The following STPG2 variants were observed in gnomAD, a reference collection of about 807,000 sequenced individuals.
STPG2 encodes the protein sperm-tail PG-rich repeat-containing protein 2.
STPG2 carries 56 observed loss-of-function variants against 54.2 expected under a neutral mutation model. The ratio of observed to expected loss-of-function variants is 1.03; its 90% CI spans 0.83 to 1.29. STPG2 has a LOEUF of 1.29. STPG2 is among the 50% of genes most tolerant of loss of function. The pLI is 0.00. For missense variants in STPG2, 596 were observed against 544.9 expected, an observed-to-expected ratio of 1.09 and a Z score of -0.93; for synonymous variants, 200 against 181.8, an observed-to-expected ratio of 1.10 and a Z score of -0.81.
chr4:98,024,677 G>T (rs1237961344), intron 5 of STPG2, among the ~76,000 whole-genome samples: 1 of 152,096 alleles, frequency 6.6e-6, no homozygotes, highest in African/African-American at 2.4e-5. Flanking sequence ...AAATGCTATT[G>T]TAAACATATG....
chr4:97,512,896 A>G (rs1731002100), intron 4 of STPG2, among the ~76,000 whole-genome samples: 1 of 152,098 alleles, frequency 6.6e-6, no homozygotes, highest in East Asian at 1.9e-4. Flanking sequence ...ATTCTGCAGC[A>G]GACACCAGCT....
intron 2 of STPG2, among the ~76,000 whole-genome samples, chr4:98,131,460 C>T (rs577767854): frequency 1.1e-4 from 17 of 152,222 alleles, no homozygotes; most frequent in Middle Eastern, 3.4e-3. Flanking sequence ...TCCCCACACA[C>T]GAAATATCTG....
intron 10 of STPG2, among the ~76,000 whole-genome samples, chr4:97,637,280 C>A (rs1721582348): frequency 6.6e-6 from 1 of 152,182 alleles, no homozygotes; most frequent in South Asian, 2.1e-4. Flanking sequence ...AGGCCTTTGA[C>A]AAAATTCAAC....
At chr4:97,881,025 A>T (rs1730351692) in intron 8 of STPG2, among the ~76,000 whole-genome samples, 1 of 152,110 alleles carries the variant, frequency 6.6e-6, no homozygotes, top group African/African-American at 2.4e-5. Context: ...CAAAACTGAG[A>T]AGATAACAGG....
At chr4:97,934,237 C>A (rs1050607833) in intron 8 of STPG2, among the ~76,000 whole-genome samples, 2 of 152,010 alleles carry the variant, frequency 1.3e-5, no homozygotes, top group African/African-American at 2.4e-5. Flanking sequence ...TGCTGAAGTT[C>A]CTTTCAGCTT....
intron 5 of STPG2, among the ~76,000 whole-genome samples, chr4:98,036,179 A>T: frequency 6.6e-6 from 1 of 152,128 alleles, no homozygotes; most frequent in Admixed American, 6.6e-5. Flanking sequence ...GAAGTTTTCG[A>T]GATAAAGGAA....
chr4:97,679,306 A>G (rs1013433831), intron 10 of STPG2, among the ~76,000 whole-genome samples: 5 of 151,670 alleles, frequency 3.3e-5, no homozygotes, highest in African/African-American at 1.2e-4. Context: ...TGACTTTTTA[A>G]TGATTGCCAT....
At chr4:97,493,510 C>T (rs1393300479) in intron 4 of STPG2, among the ~76,000 whole-genome samples, 3 of 151,150 alleles carry the variant, frequency 2.0e-5, no homozygotes, top group Non-Finnish European at 4.4e-5. Flanking sequence ...ACTGCTATTG[C>T]CTGCAACAGA....
At chr4:98,102,521 G>C (rs1739068316) in intron 5 of STPG2, among the ~76,000 whole-genome samples, 1 of 148,750 alleles carries the variant, frequency 6.7e-6, no homozygotes, top group African/African-American at 2.5e-5. Context: ...CATAAAAAAA[G>C]AGATATTTCT....
Position 98,126,932 on chromosome 4 carries a change from A to G in STPG2, c.387+1496T>C, listed in dbSNP as rs536781263. 5.3e-5 allele frequency among the ~76,000 whole-genome samples: 8 copies of G among 152,176 alleles called. No homozygotes were observed. In the South Asian group the frequency reaches 1.7e-3, roughly 32 times the overall value. On this transcript the variant is annotated intron_variant, in intron 3 of 10. Coordinates refer to ENST00000295268, the MANE Select transcript of STPG2 (RefSeq NM_174952.3). ...TATAAGTCTGAAACTATTTCAAAAT[A>G]TTAAATTATTTTTTAAAAAGAAACA...
At chr4:98,129,626 A>G (rs921001604) in intron 2 of STPG2, among the ~76,000 whole-genome samples, 2 of 152,236 alleles carry the variant, frequency 1.3e-5, no homozygotes, top group African/African-American at 4.8e-5. Context: ...TTAATGGAAA[A>G]TATTTTATAA....
chr4:97,629,485 C>T (rs539269238), intron 10 of STPG2, among the ~76,000 whole-genome samples: 153 of 152,108 alleles, frequency 1.0e-3, no homozygotes, highest in Middle Eastern at 3.4e-3. Context: ...GAAGGAATGG[C>T]TTTGTTCCAA....
intron 9 of STPG2, among the ~76,000 whole-genome samples, chr4:97,759,017 T>C (rs1725812871): frequency 6.6e-6 from 1 of 152,140 alleles, no homozygotes; most frequent in Non-Finnish European, 1.5e-5. Context: ...TTCTTGCTGA[T>C]GAGAAAGACA....
chr4:97,679,465 A>G (rs896281641), intron 10 of STPG2, among the ~76,000 whole-genome samples: 10 of 151,420 alleles, frequency 6.6e-5, no homozygotes, highest in Non-Finnish European at 1.3e-4. Flanking sequence ...CCACTTTTTG[A>G]TGGGGTTGTT....
intron 10 of STPG2, among the ~76,000 whole-genome samples, chr4:97,620,086 A>T (rs1379962626): frequency 6.6e-6 from 1 of 152,088 alleles, no homozygotes; most frequent in Non-Finnish European, 1.5e-5. Flanking sequence ...GGCCTCCCAA[A>T]GTGCTGGGAT....
chr4:97,603,335 C>T (rs1733513206), intron 10 of STPG2, among the ~76,000 whole-genome samples: 1 of 151,556 alleles, frequency 6.6e-6, no homozygotes, highest in South Asian at 2.1e-4. Context: ...AGAATGTGTA[C>T]AAATTGGAAC....
chr4:97,903,244 A>G (rs1369672698), intron 8 of STPG2, among the ~76,000 whole-genome samples: 2 of 152,198 alleles, frequency 1.3e-5, no homozygotes, highest in Non-Finnish European at 2.9e-5. Flanking sequence ...AGGAAACTAT[A>G]TGAGATAATG....
chr4:97,469,554 T>C (rs1729872989), intron 4 of STPG2, among the ~76,000 whole-genome samples: 1 of 151,976 alleles, frequency 6.6e-6, no homozygotes, highest in South Asian at 2.1e-4. Flanking sequence ...TAGGTTCAGT[T>C]CTGGACATTC....
chr4:98,056,206 GCA>G (rs949874427), intron 5 of STPG2, among the ~76,000 whole-genome samples: 13 of 152,218 alleles, frequency 8.5e-5, no homozygotes, highest in African/African-American at 3.1e-4. Flanking sequence ...TGCTAACACT[GCA>G]CAGAGAACTC....
Sources: allele counts gnomAD v4.1 joint callset (sites outside exome capture counted in the v4.1 genomes callset), GRCh38; gene constraint gnomAD v4.1.1; transcripts MANE v1.5; gene names NCBI Gene and HGNC (gene_info 2026-07-23, HGNC 2026-07-21).